The following DNAH17 variants were observed in gnomAD, a reference collection of about 807,000 sequenced individuals.
DNAH17 encodes axonemal beta dynein heavy chain 17.
In DNAH17, 376 loss-of-function variants were observed where a neutral mutation model predicts 485.6. That is an observed-to-expected ratio of 0.77 (90% confidence interval 0.71 to 0.84). The LOEUF (loss-of-function observed/expected upper bound fraction) is 0.84. DNAH17 is among the 40% of genes least tolerant of loss of function. DNAH17 has a pLI of 0.00. For synonymous variants in DNAH17, 3,031 were observed against 2,405.9 expected (o/e 1.26, Z -7.60); for missense variants, 6,370 against 5,839.3 (o/e 1.09, Z -2.96).
At position 78,425,429 on chromosome 17, in the gene DNAH17, G is replaced by T. The variant is rs1335118183; in HGVS notation, c.13058C>A (p.Ser4353Tyr). Reference protein sequence around the residue: ...NEWPLDKMCLSVEVTKKNRED... With the variant: ...NEWPLDKMCLYVEVTKKNRED... ...TCGGTTTTTCTTGGTCACCTCGACA[G>T]ACAGACACATCTTGTCCAGGGGCCA... Residue 4353 changes from serine (S) to tyrosine (Y), a missense_variant, in exon 80 of 81, where the codon TCT (serine) becomes TAT (tyrosine). Ser to Tyr is a moderately radical substitution (Grantham distance 144, BLOSUM62 -2). Coordinates refer to ENST00000389840, the MANE Select transcript of DNAH17 (RefSeq NM_173628.4). The T allele has an allele frequency of 6.2e-7, 1 of 1,614,012 alleles. No homozygotes were observed. Among genetic ancestry groups the T allele is most frequent in the Admixed American group, 1.7e-5 (1 of 60,028 alleles).
intron 16 of DNAH17, among the ~76,000 whole-genome samples, chr17:78,550,124 C>A (rs946859540): frequency 6.6e-6 from 1 of 152,094 alleles, no homozygotes; most frequent in African/African-American, 2.4e-5. Context: ...TGTGGGGAGG[C>A]GTGGGGAGGA....
intron 75 of DNAH17, among the ~76,000 whole-genome samples, chr17:78,432,906 C>CA (rs1009779966): frequency 8.5e-6 from 1 of 117,340 alleles, no homozygotes. Flanking sequence ...AAACGTGCCC[C>CA]CCCCCCCCGA....
intron 44 of DNAH17, 75 bp downstream of exon 44, chr17:78,490,624 G>A (rs2089807162): frequency 2.0e-6 from 3 of 1,506,866 alleles, no homozygotes; most frequent in Non-Finnish European, 2.7e-6. Flanking sequence ...GAATGAATAT[G>A]CAACTCTGAA....
chr17:78,502,274 A>C, intron 33 of DNAH17: 1 of 332,552 alleles, frequency 3.0e-6, no homozygotes, highest in Non-Finnish European at 5.5e-6. Context: ...CCTTCTTTTC[A>C]AGATGATCTT....
intron 30 of DNAH17, among the ~76,000 whole-genome samples, chr17:78,506,267 G>C (rs538098111): frequency 1.3e-5 from 2 of 150,718 alleles, no homozygotes; most frequent in East Asian, 4.0e-4. Flanking sequence ...ACAGCCTCCT[G>C]AGTAGCTGGG....
rs142838368 is a variant in DNAH17 at position 78,467,448 on chromosome 17, C to T, written c.8779-632G>A. Among the ~76,000 whole-genome samples the T allele has an allele frequency of 2.3e-3, 346 of 152,338 alleles. 1 individual carries two copies. Among genetic ancestry groups the T allele is most frequent in the African/African-American group, 7.8e-3 (324 of 41,584 alleles). ...ATGACGTGAGGGTGCAGGACAGAGC[C>T]GGCACTGGCAGGGCACCAAAGAGGA... is the stretch of plus-strand genomic sequence containing the variant. On this transcript the variant is annotated intron_variant, in intron 55 of 80. Coordinates refer to ENST00000389840, the MANE Select transcript of DNAH17 (RefSeq NM_173628.4).
chr17:78,498,097 T>C (rs56239723), intron 37 of DNAH17, among the ~76,000 whole-genome samples: 35,328 of 151,560 alleles, frequency 0.23, 4,363 homozygotes, highest in South Asian at 0.35. Context: ...ACCGAGACTG[T>C]GCCATTGCAC....
At chr17:78,522,386 G>A in intron 25 of DNAH17, 1 of 284,168 alleles carries the variant, frequency 3.5e-6, no homozygotes, top group Non-Finnish European at 7.1e-6. Flanking sequence ...GAGGAAGAGG[G>A]ACTTTTTAAT....
intron 56 of DNAH17, among the ~76,000 whole-genome samples, chr17:78,464,723 C>T (rs1040070104): frequency 2.6e-4 from 39 of 152,210 alleles, no homozygotes; most frequent in African/African-American, 8.9e-4. Context: ...CTGAGTCGCC[C>T]GATCTGTCCG....
At chr17:78,539,130 C>T (rs1255015219) in intron 18 of DNAH17, among the ~76,000 whole-genome samples, 1 of 152,048 alleles carries the variant, frequency 6.6e-6, no homozygotes, top group Non-Finnish European at 1.5e-5. Context: ...ACTTGGGAGG[C>T]TGAGGTAGAG....
intron 16 of DNAH17, 95 bp from the exon 17 acceptor site, chr17:78,544,092 C>G: frequency 6.5e-7 from 1 of 1,548,232 alleles, no homozygotes; most frequent in South Asian, 1.2e-5. Flanking sequence ...AGTTTCGTCA[C>G]TGCTGCCTGA....
chr17:78,494,477 G>A lies in DNAH17; in HGVS notation c.6270+116C>T. 4 of 1,219,600 alleles carry A rather than the reference G, an allele frequency of 3.3e-6. No homozygotes were observed. In the South Asian group the frequency reaches 5.6e-5, roughly 17 times the overall value. The allele number at this position is 1,219,600 out of a possible 1,614,324, so 75.5% of individuals were successfully genotyped here. A position where few individuals can be genotyped will look rare whatever the true frequency, so the allele number is the denominator to read the frequency against. On this transcript the variant is annotated intron_variant, in intron 40 of 80. Transcript: ENST00000389840. ...GCAGCTGTGGCTCAGAGGTCTCTTTGTAGCATCGGGAAACGTGCGTGTGTG... is the reference window on the plus strand; with the variant it reads ...GCAGCTGTGGCTCAGAGGTCTCTTTATAGCATCGGGAAACGTGCGTGTGTG...
intron 62 of DNAH17, chr17:78,458,336 C>CA (rs2087910979): frequency 3.6e-6 from 2 of 562,196 alleles, no homozygotes; most frequent in Non-Finnish European, 6.3e-6. Flanking sequence ...CCCAGTGTCC[C>CA]AGGCCAGTGT....
intron 40 of DNAH17, among the ~76,000 whole-genome samples, 195 bp from the exon 41 acceptor site, chr17:78,494,368 G>A (rs956160277): frequency 7.7e-5 from 9 of 117,012 alleles, no homozygotes; most frequent in East Asian, 2.4e-4. Flanking sequence ...GCAGGGGGTC[G>A]GTTTGCCTGA....
At position 78,463,179 on chromosome 17, in the gene DNAH17, G is replaced by A. The variant is rs371132301; in HGVS notation, c.8941-102C>T. On this transcript the variant is annotated intron_variant, in intron 56 of 80. Coordinates refer to ENST00000389840, the MANE Select transcript of DNAH17 (RefSeq NM_173628.4). ...AGGGGCCCTGGACAAGGTGCCCTGA[G>A]ACCGCTCTCAACCTCAGTGTCTTCA... is the stretch of plus-strand genomic sequence containing the variant. 20 of 1,064,100 alleles carry A rather than the reference G, an allele frequency of 1.9e-5. 1 individual carries two copies. Among genetic ancestry groups the A allele is most frequent in the East Asian group, 7.7e-5 (3 of 39,196 alleles). 65.9% of individuals were successfully genotyped at this position (1,064,100 alleles called of 1,614,324 possible).
At chr17:78,568,983 A>G (rs1433449955) in intron 9 of DNAH17, among the ~76,000 whole-genome samples, 183 bp downstream of exon 9, 4 of 152,086 alleles carry the variant, frequency 2.6e-5, no homozygotes, top group African/African-American at 9.7e-5. Flanking sequence ...TTCTTGGCTA[A>G]CAGCTCTGGC....
At chr17:78,508,559 C>T (rs1288619369) in intron 27 of DNAH17, among the ~76,000 whole-genome samples, 1 of 152,122 alleles carries the variant, frequency 6.6e-6, no homozygotes, top group Non-Finnish European at 1.5e-5. Context: ...AATTCTCAGA[C>T]CCAGCTGGAA....
At chr17:78,502,755 C>A in intron 32 of DNAH17, 57 bp from the exon 33 acceptor site, 1 of 1,597,706 alleles carries the variant, frequency 6.3e-7, no homozygotes, top group South Asian at 1.1e-5. Context: ...CGCCTGCTAA[C>A]GCAGACATTC....
intron 65 of DNAH17, 141 bp from the exon 66 acceptor site, chr17:78,451,814 A>C: frequency 1.5e-6 from 1 of 659,228 alleles, no homozygotes; most frequent in Non-Finnish European, 2.5e-6. Context: ...AGAGCACTGC[A>C]CCTCTCCTTG....
Sources: allele counts gnomAD v4.1 joint callset (sites outside exome capture counted in the v4.1 genomes callset), GRCh38; gene constraint gnomAD v4.1.1; transcripts MANE v1.5; gene names NCBI Gene and HGNC (gene_info 2026-07-23, HGNC 2026-07-21).